The following FOXN3 variants were observed in gnomAD, a reference collection of about 807,000 sequenced individuals.
The protein encoded by FOXN3 is forkhead box N3.
In FOXN3, 7 loss-of-function variants were observed where a neutral mutation model predicts 38.4. The ratio of observed to expected loss-of-function variants is 0.18; its 90% CI spans 0.10 to 0.34. FOXN3 has a LOEUF of 0.34. Among genes scored for constraint, FOXN3 ranks in the 10% least tolerant of loss-of-function variants. FOXN3 has a pLI of 1.00. For missense variants in FOXN3, 456 were observed against 613.4 expected, an observed-to-expected ratio of 0.74 and a Z score of 2.71; for synonymous variants, 230 against 242.2, an observed-to-expected ratio of 0.95 and a Z score of 0.47.
At chr14:89,407,505 A>G (rs1891423938) in intron 2 of FOXN3, among the ~76,000 whole-genome samples, 1 of 152,220 alleles carries the variant, frequency 6.6e-6, no homozygotes, top group Admixed American at 6.5e-5. Context: ...GTATACCGAA[A>G]TGTTTGAATT....
At chr14:89,429,401 A>G (rs1196779876) in intron 1 of FOXN3, among the ~76,000 whole-genome samples, 1 of 152,174 alleles carries the variant, frequency 6.6e-6, no homozygotes, top group Non-Finnish European at 1.5e-5. Flanking sequence ...CTCTCAACGC[A>G]CTGGCTTGCT....
intron 4 of FOXN3, among the ~76,000 whole-genome samples, chr14:89,205,464 C>T (rs1484249797): frequency 6.6e-6 from 1 of 152,248 alleles, no homozygotes; most frequent in Non-Finnish European, 1.5e-5. Flanking sequence ...CTGCCACACT[C>T]CCATCGTGTG....
At chr14:89,318,157 CT>C (rs761579795) in intron 3 of FOXN3, among the ~76,000 whole-genome samples, 5 of 74,962 alleles carry the variant, frequency 6.7e-5, no homozygotes, top group Non-Finnish European at 1.1e-4. Flanking sequence ...TCTTCTTCTT[CT>C]TCTCTTTTTT....
intron 3 of FOXN3, among the ~76,000 whole-genome samples, chr14:89,288,746 ATATATATATATATATATATATATG>A (rs1886759082): frequency 1.2e-5 from 1 of 82,186 alleles, no homozygotes; most frequent in African/African-American, 4.3e-5. Context: ...ATATATATAT[ATATATATATATATATATATATATG>A]CTTGCACTGG....
At chr14:89,281,109 T>C (rs1429240570) in intron 3 of FOXN3, 95 bp from the exon 4 acceptor site, 14 of 1,087,796 alleles carry the variant, frequency 1.3e-5, no homozygotes, top group Non-Finnish European at 1.5e-5. Context: ...TTTCCCCAAG[T>C]ATGCATTACT....
chr14:89,511,247 T>TTTTATTTC, intron 1 of FOXN3, among the ~76,000 whole-genome samples: 1 of 11,300 alleles, frequency 8.8e-5, no homozygotes, highest in East Asian at 9.5e-4. Flanking sequence ...CTTTTCTTTC[T>TTTTATTTC]TTTCTTTCTT....
intron 3 of FOXN3, among the ~76,000 whole-genome samples, chr14:89,330,307 G>A (rs1034485600): frequency 5.3e-5 from 8 of 152,120 alleles, no homozygotes; most frequent in Non-Finnish European, 1.0e-4. Flanking sequence ...CAGCTTGTAC[G>A]GGCAGAAATT....
At chr14:89,333,982 A>C (rs1457558712) in intron 3 of FOXN3, among the ~76,000 whole-genome samples, 1 of 10,046 alleles carries the variant, frequency 1.0e-4, no homozygotes, top group African/African-American at 2.4e-4. Flanking sequence ...ATATATATAT[A>C]TATATATATA....
intron 4 of FOXN3, among the ~76,000 whole-genome samples, chr14:89,229,946 A>T (rs1306428462): frequency 6.6e-6 from 1 of 152,220 alleles, no homozygotes; most frequent in Admixed American, 6.5e-5. Context: ...CAAACAAAGC[A>T]GTGAATGGCC....
At chr14:89,342,245 T>C (rs889671984) in intron 3 of FOXN3, among the ~76,000 whole-genome samples, 3 of 152,172 alleles carry the variant, frequency 2.0e-5, no homozygotes, top group Admixed American at 2.0e-4. Context: ...TACTTAAACA[T>C]TCAACTTTCA....
intron 4 of FOXN3, among the ~76,000 whole-genome samples, chr14:89,228,566 T>C (rs1245406413): frequency 6.6e-6 from 1 of 152,192 alleles, no homozygotes; most frequent in African/African-American, 2.4e-5. Context: ...TGTAGAGTGA[T>C]AAAAAAGCAT....
At chr14:89,183,186 C>T (rs543487527) in intron 4 of FOXN3, among the ~76,000 whole-genome samples, 6 of 152,188 alleles carry the variant, frequency 3.9e-5, no homozygotes, top group East Asian at 1.9e-4. Flanking sequence ...TTGTGGTGTA[C>T]GGCAGTCTCC....
At chr14:89,297,705 C>T (rs765574008) in intron 3 of FOXN3, among the ~76,000 whole-genome samples, 14 of 152,132 alleles carry the variant, frequency 9.2e-5, no homozygotes, top group South Asian at 4.1e-4. Context: ...CATCTGGGTG[C>T]GATGGCTCAC....
At position 89,183,519 on chromosome 14, in the gene FOXN3, A is replaced by G. The variant is rs1243531852; in HGVS notation, c.746-2713T>C. On this transcript the variant is annotated intron_variant, in intron 4 of 5. Transcript: ENST00000557258. Reference sequence around the variant, plus strand: ...AGGCAATGAAAATATACTATGGTACATGCTAGGACAGGGGGCCTAGAGGCA... The same window carrying G: ...AGGCAATGAAAATATACTATGGTACGTGCTAGGACAGGGGGCCTAGAGGCA... 2.6e-5 allele frequency among the ~76,000 whole-genome samples: 4 copies of G among 152,156 alleles called. No individual in the cohort carries two copies. The East Asian group carries it at 7.7e-4, about 29-fold the overall frequency.
At chr14:89,338,829 A>G (rs1004706149) in intron 3 of FOXN3, among the ~76,000 whole-genome samples, 1 of 152,172 alleles carries the variant, frequency 6.6e-6, no homozygotes, top group African/African-American at 2.4e-5. Context: ...AATATTTGGT[A>G]TGCAGCATTT....
intron 1 of FOXN3, among the ~76,000 whole-genome samples, chr14:89,571,709 T>C (rs1472460553): frequency 6.6e-6 from 1 of 152,138 alleles, no homozygotes; most frequent in Non-Finnish European, 1.5e-5. Flanking sequence ...TCTGTGCCAA[T>C]AAAACTTTAT....
intron 2 of FOXN3, among the ~76,000 whole-genome samples, chr14:89,399,105 C>T (rs1891178523): frequency 6.6e-6 from 1 of 152,238 alleles, no homozygotes; most frequent in Admixed American, 6.5e-5. Context: ...AAGGGATTTT[C>T]CGAGCAGCTA....
At chr14:89,513,573 G>T (rs1259675280) in intron 1 of FOXN3, among the ~76,000 whole-genome samples, 4 of 151,506 alleles carry the variant, frequency 2.6e-5, no homozygotes, top group Non-Finnish European at 5.9e-5. Flanking sequence ...ACCATTTTTT[G>T]AGTTTGTTTG....
Position 89,412,200 on chromosome 14 carries a change from C to G in FOXN3, c.277G>C (p.Asp93His), listed in dbSNP as rs139004219. 1.2e-6 allele frequency: 2 copies of G among 1,613,784 alleles called. No homozygotes were observed. The highest frequency in any genetic ancestry group is 2.7e-5 in the African/African-American group (2 of 74,964). ...SVSPVQDLDD[D>H]TPPSPAHSDM... ...GAGTGGGCAGGGGATGGGGGGGTGT[C>G]ATCGTCCAGGTCCTGGACGGGGCTG... The change falls in exon 2 of 6, where the codon GAC (aspartate) becomes CAC (histidine). Residue 93 changes from aspartate (D) to histidine (H), a missense_variant. By Grantham distance (81) the Asp-to-His change is moderately conservative. Transcript: ENST00000557258. This position sits in a 1 kb window ranked among gnomAD's most constrained non-coding sequence, Gnocchi z 4.7.
Sources: allele counts gnomAD v4.1 joint callset (sites outside exome capture counted in the v4.1 genomes callset), GRCh38; gene constraint gnomAD v4.1.1; non-coding constraint Gnocchi (gnomAD v3.1); transcripts MANE v1.5; gene names NCBI Gene and HGNC (gene_info 2026-07-23, HGNC 2026-07-21).